The following CSMD1 variants were observed in gnomAD, a reference collection of about 807,000 sequenced individuals.
The protein encoded by CSMD1 is CUB and Sushi multiple domains 1.
Under a neutral mutation model 417.5 loss-of-function variants are expected in CSMD1, and 213 were observed. The ratio of observed to expected loss-of-function variants is 0.51; its 90% CI spans 0.46 to 0.57. The LOEUF (loss-of-function observed/expected upper bound fraction) is 0.57, where lower values mean the gene tolerates loss of function less well. Among genes scored for constraint, CSMD1 ranks in the 20% least tolerant of loss-of-function variants. The pLI is 0.00. For missense variants in CSMD1, 6,923 were observed against 4,529.7 expected (o/e 1.53, Z -15.17); for synonymous variants, 2,862 against 1,736.8 (o/e 1.65, Z -16.11).
chr8:4,165,380 A>G (rs755198849), intron 3 of CSMD1, among the ~76,000 whole-genome samples: 14 of 152,240 alleles, frequency 9.2e-5, no homozygotes, highest in Non-Finnish European at 1.5e-4. Context: ...AACTCTTACT[A>G]AAAGATGTGC....
At chr8:3,307,860 G>C (rs376089006) in intron 24 of CSMD1, 39 bp from the exon 25 acceptor site, 531 of 1,594,142 alleles carry the variant, frequency 3.3e-4, no homozygotes, top group African/African-American at 1.2e-3. Flanking sequence ...TTCAGCTTCA[G>C]GCATCACATG....
chr8:3,298,618 T>C (rs1804148240), intron 25 of CSMD1, among the ~76,000 whole-genome samples: 1 of 152,208 alleles, frequency 6.6e-6, no homozygotes, highest in South Asian at 2.1e-4. Context: ...CACAACTTGC[T>C]TATTTTTTAA....
intron 2 of CSMD1, among the ~76,000 whole-genome samples, chr8:4,508,230 A>T (rs1802635363): frequency 6.6e-6 from 1 of 150,512 alleles, no homozygotes; most frequent in Admixed American, 6.6e-5. Flanking sequence ...TACTCAGTTC[A>T]TTTAACAAAC....
chr8:3,289,340 C>G (rs1039125389), intron 25 of CSMD1, among the ~76,000 whole-genome samples: 11 of 147,042 alleles, frequency 7.5e-5, no homozygotes, highest in Non-Finnish European at 1.3e-4. Flanking sequence ...GGGTATATAC[C>G]CAGTAATGGG....
chr8:3,545,648 G>T (rs1004407888), intron 10 of CSMD1, among the ~76,000 whole-genome samples: 4 of 152,132 alleles, frequency 2.6e-5, no homozygotes, highest in African/African-American at 9.7e-5. Flanking sequence ...CATCATCAGC[G>T]GTGGACAACT....
chr8:4,250,583 C>G (rs1473665298), intron 3 of CSMD1, among the ~76,000 whole-genome samples: 1 of 152,102 alleles, frequency 6.6e-6, no homozygotes, highest in Non-Finnish European at 1.5e-5. Context: ...TTAATAAACT[C>G]ATGTACGATT....
chr8:4,866,088 T>C (rs1040274967), intron 1 of CSMD1, among the ~76,000 whole-genome samples: 9 of 151,982 alleles, frequency 5.9e-5, no homozygotes, highest in African/African-American at 2.2e-4. Flanking sequence ...GAACCATCAA[T>C]AACAGTAATC....
intron 1 of CSMD1, among the ~76,000 whole-genome samples, chr8:4,648,782 A>C (rs1803698098): frequency 6.6e-6 from 1 of 152,230 alleles, no homozygotes; most frequent in Non-Finnish European, 1.5e-5. Flanking sequence ...GAGTTGAGAC[A>C]TCAGATGCCG....
chr8:3,419,142 T>G (rs752507108), intron 12 of CSMD1, among the ~76,000 whole-genome samples: 1 of 152,212 alleles, frequency 6.6e-6, no homozygotes, highest in East Asian at 1.9e-4. Flanking sequence ...GCTGCGCTGT[T>G]CTCTAATTCT....
chr8:4,836,146 G>C (rs775711067), intron 1 of CSMD1, among the ~76,000 whole-genome samples: 3 of 152,116 alleles, frequency 2.0e-5, no homozygotes, highest in Non-Finnish European at 2.9e-5. Flanking sequence ...GGTTTTATAA[G>C]GCTACTTTAA....
intron 1 of CSMD1, among the ~76,000 whole-genome samples, chr8:4,891,972 A>G (rs1033330704): frequency 6.6e-6 from 1 of 152,122 alleles, no homozygotes; most frequent in Non-Finnish European, 1.5e-5. Context: ...CATAAATTCC[A>G]AAAGAGGTAA....
At chr8:3,473,881 A>G (rs981859325) in intron 11 of CSMD1, among the ~76,000 whole-genome samples, 2 of 152,154 alleles carry the variant, frequency 1.3e-5, no homozygotes, top group African/African-American at 4.8e-5. Context: ...GAAACTTACA[A>G]TCATGGTAGA....
At chr8:4,797,663 C>G (rs923812871) in intron 1 of CSMD1, among the ~76,000 whole-genome samples, 6 of 152,154 alleles carry the variant, frequency 3.9e-5, no homozygotes, top group Non-Finnish European at 5.9e-5. Flanking sequence ...ATAAAATTAT[C>G]TGAAGCTAAT....
chr8:3,160,376 G>C (rs1023687108), intron 38 of CSMD1, among the ~76,000 whole-genome samples: 4 of 152,160 alleles, frequency 2.6e-5, no homozygotes, highest in Middle Eastern at 3.2e-3. Flanking sequence ...TCTGACTTTG[G>C]AATCCCAAAG....
intron 10 of CSMD1, among the ~76,000 whole-genome samples, chr8:3,543,529 C>G (rs906218684): frequency 2.0e-5 from 3 of 151,682 alleles, no homozygotes; most frequent in Non-Finnish European, 2.9e-5. Flanking sequence ...TGGCTGGATC[C>G]CCAACATGAT....
At chr8:3,012,624 C>A (rs978405777) in intron 52 of CSMD1, among the ~76,000 whole-genome samples, 8 of 152,152 alleles carry the variant, frequency 5.3e-5, no homozygotes, top group Non-Finnish European at 1.0e-4. Flanking sequence ...CATATTGGAC[C>A]TAAGGTATAC....
chr8:4,540,659 A>C (rs1585224435), intron 2 of CSMD1, among the ~76,000 whole-genome samples: 1 of 152,194 alleles, frequency 6.6e-6, no homozygotes, highest in Admixed American at 6.5e-5. Flanking sequence ...AACAGTGTAC[A>C]AAGGTCAGGA....
intron 1 of CSMD1, among the ~76,000 whole-genome samples, chr8:4,835,229 G>C (rs1011502242): frequency 6.6e-6 from 1 of 152,046 alleles, no homozygotes. Flanking sequence ...GGAGATAAAT[G>C]ATTGAATTGC....
chr8:3,599,374 C>G (rs1299420349), intron 8 of CSMD1, among the ~76,000 whole-genome samples: 5 of 152,078 alleles, frequency 3.3e-5, no homozygotes, highest in Non-Finnish European at 5.9e-5. Context: ...CCCAACTCAG[C>G]ATCATTAACC....
Sources: gnomAD v4.1 joint callset for allele counts (sites outside exome capture counted in the v4.1 genomes callset) on GRCh38, gnomAD v4.1.1 for gene constraint, MANE v1.5 for transcripts, NCBI Gene and HGNC (gene_info 2026-07-23, HGNC 2026-07-21) for gene names.